The following HIPK2 variants were observed in gnomAD, a reference collection of about 807,000 sequenced individuals.
The protein encoded by HIPK2 is homeodomain interacting protein kinase 2.
A neutral mutation model predicts 113.7 loss-of-function variants in HIPK2; 27 were observed. The observed-to-expected ratio is 0.24, with a 90% confidence interval of 0.17 to 0.33. The LOEUF is 0.33. Among genes scored for constraint, HIPK2 ranks in the 10% least tolerant of loss-of-function variants. The pLI is 1.00. For missense variants in HIPK2, 1,257 were observed against 1,588.0 expected (o/e 0.79, Z 3.54); for synonymous variants, 631 against 642.2 (o/e 0.98, Z 0.26).
At chr7:139,713,756 T>C (rs1795137268) in intron 2 of HIPK2, among the ~76,000 whole-genome samples, 2 of 152,220 alleles carry the variant, frequency 1.3e-5, no homozygotes. Context: ...GCCTTTGGCA[T>C]GCTGAATTTA....
chr7:139,642,743 A>G (rs1256597780), intron 2 of HIPK2, among the ~76,000 whole-genome samples: 1 of 152,196 alleles, frequency 6.6e-6, no homozygotes, highest in Non-Finnish European at 1.5e-5. Flanking sequence ...AGGGACCCAG[A>G]GATGAAGCTC....
chr7:139,645,887 C>G (rs1467166435), intron 2 of HIPK2, among the ~76,000 whole-genome samples: 1 of 152,106 alleles, frequency 6.6e-6, no homozygotes, highest in East Asian at 1.9e-4. Context: ...GTTGGTTATT[C>G]CAGCAGGAGT....
intron 2 of HIPK2, among the ~76,000 whole-genome samples, chr7:139,666,179 G>C (rs1034057730): frequency 6.6e-6 from 1 of 152,096 alleles, no homozygotes; most frequent in Non-Finnish European, 1.5e-5. Context: ...GTGTACTGAA[G>C]AGCAATGTTT....
At chr7:139,584,174 G>T in intron 12 of HIPK2, 110 bp from the exon 13 acceptor site, 1 of 1,430,266 alleles carries the variant, frequency 7.0e-7, no homozygotes, top group Non-Finnish European at 9.4e-7. Flanking sequence ...GAGAGGGCAG[G>T]AACAGGGCTT....
chr7:139,661,054 G>C (rs947277422), intron 2 of HIPK2, among the ~76,000 whole-genome samples: 5 of 151,800 alleles, frequency 3.3e-5, no homozygotes, highest in Non-Finnish European at 7.4e-5. Flanking sequence ...ACACTGGGTA[G>C]GGGTGGGGTG....
At chr7:139,612,337 A>G (rs1464340935) in intron 9 of HIPK2, among the ~76,000 whole-genome samples, 2 of 152,214 alleles carry the variant, frequency 1.3e-5, no homozygotes, top group Non-Finnish European at 2.9e-5. Context: ...CTAAACTAAT[A>G]ACATTTAGGT....
At chr7:139,587,720 A>C (rs1798884263) in intron 12 of HIPK2, among the ~76,000 whole-genome samples, 1 of 151,934 alleles carries the variant, frequency 6.6e-6, no homozygotes, top group Admixed American at 6.6e-5. Context: ...CTCTACAAAA[A>C]TAAAAACATT....
intron 2 of HIPK2, among the ~76,000 whole-genome samples, chr7:139,709,781 T>A (rs77291790): frequency 6.6e-6 from 1 of 152,220 alleles, no homozygotes; most frequent in African/African-American, 2.4e-5. Flanking sequence ...AGCCTATTTC[T>A]TTATAGCAGT....
intron 1 of HIPK2, among the ~76,000 whole-genome samples, chr7:139,726,372 T>C (rs1044085834): frequency 6.6e-6 from 1 of 151,906 alleles, no homozygotes; most frequent in Non-Finnish European, 1.5e-5. Context: ...AGGTGAGACA[T>C]GCTGACAGAT....
chr7:139,616,031 C>T (rs764618869), intron 7 of HIPK2, among the ~76,000 whole-genome samples: 1 of 152,134 alleles, frequency 6.6e-6, no homozygotes, highest in African/African-American at 2.4e-5. Context: ...TCCCCCTCAA[C>T]CCTCCACATT....
At chr7:139,651,114 A>G (rs1801443425) in intron 2 of HIPK2, among the ~76,000 whole-genome samples, 1 of 152,190 alleles carries the variant, frequency 6.6e-6, no homozygotes, top group South Asian at 2.1e-4. Flanking sequence ...GTTTCCAACA[A>G]GCCTTAGGTC....
At chr7:139,616,806 C>A (rs1175664512) in intron 7 of HIPK2, among the ~76,000 whole-genome samples, 1 of 152,228 alleles carries the variant, frequency 6.6e-6, no homozygotes, top group Non-Finnish European at 1.5e-5. Context: ...CTCCAGCCTG[C>A]AGTGGTCTCT....
At chr7:139,670,613 A>G (rs1018722521) in intron 2 of HIPK2, among the ~76,000 whole-genome samples, 2 of 151,668 alleles carry the variant, frequency 1.3e-5, no homozygotes, top group African/African-American at 4.9e-5. Context: ...AGTGAAGGAA[A>G]AATAAAAAAA....
At chr7:139,585,839 G>A (rs1297282641) in intron 12 of HIPK2, among the ~76,000 whole-genome samples, 2 of 152,134 alleles carry the variant, frequency 1.3e-5, no homozygotes, top group African/African-American at 2.4e-5. Flanking sequence ...TGCTGGAAAA[G>A]TTTCCTTTTT....
Position 139,592,365 on chromosome 7 carries a change from C to T in HIPK2, c.2717+4352G>A, listed in dbSNP as rs1044719441. ...ATCCAGGTAACTGAATGAGTGAATGCGTGAATGAATAATGGAGCTGGACAA... is the reference window on the plus strand; with the variant it reads ...ATCCAGGTAACTGAATGAGTGAATGTGTGAATGAATAATGGAGCTGGACAA... On this transcript the variant is annotated intron_variant, in intron 12 of 14. Transcript: ENST00000406875. Among the ~76,000 whole-genome samples, 6 of 152,132 alleles carry T rather than the reference C, an allele frequency of 3.9e-5. No individual in the cohort carries two copies. In the East Asian group the frequency reaches 1.2e-3, roughly 29 times the overall value.
At chr7:139,701,183 CTT>C (rs1385592376) in intron 2 of HIPK2, among the ~76,000 whole-genome samples, 11 of 152,186 alleles carry the variant, frequency 7.2e-5, no homozygotes, top group Non-Finnish European at 1.5e-5. Context: ...AATTTCTCCT[CTT>C]TGTGCCCAGT....
At chr7:139,620,588 T>C (rs958771124) in intron 6 of HIPK2, 25 bp from the exon 7 acceptor site, 4 of 1,612,056 alleles carry the variant, frequency 2.5e-6, no homozygotes, top group African/African-American at 1.3e-5. Flanking sequence ...GGCAGAGGCA[T>C]ATTGAGACAT....
At chr7:139,745,494 G>T (rs1262861570) in intron 1 of HIPK2, among the ~76,000 whole-genome samples, 2 of 152,168 alleles carry the variant, frequency 1.3e-5, no homozygotes, top group Non-Finnish European at 2.9e-5. Context: ...CACTGCAACC[G>T]CAGGGCCTCG....
At chr7:139,617,364 T>C (rs1220609583) in intron 7 of HIPK2, among the ~76,000 whole-genome samples, 2 of 152,186 alleles carry the variant, frequency 1.3e-5, no homozygotes, top group African/African-American at 4.8e-5. Flanking sequence ...CTGTGCCTAG[T>C]GAAAAAGCAA....
Sources: allele counts gnomAD v4.1 joint callset (sites outside exome capture counted in the v4.1 genomes callset), GRCh38; gene constraint gnomAD v4.1.1; transcripts MANE v1.5; gene names NCBI Gene and HGNC (gene_info 2026-07-23, HGNC 2026-07-21).